The following PALS1 variants were observed in gnomAD, a reference collection of about 807,000 sequenced individuals.
PALS1 encodes the protein protein PALS1.
Under a neutral mutation model 78.9 loss-of-function variants are expected in PALS1, and 31 were observed. The observed-to-expected ratio is 0.39, with a 90% confidence interval of 0.30 to 0.53. The LOEUF (loss-of-function observed/expected upper bound fraction) is 0.53. Ranked by LOEUF, PALS1 falls within the 20% of genes least tolerant of loss-of-function variation. PALS1 has a pLI of 0.67. For missense variants in PALS1, 704 were observed against 826.5 expected (o/e 0.85, Z 1.82); for synonymous variants, 276 against 270.9 (o/e 1.02, Z -0.18).
intron 4 of PALS1, 38 bp from the exon 5 acceptor site, chr14:67,301,351 A>G (rs767576580): frequency 2.7e-6 from 4 of 1,468,400 alleles, no homozygotes; most frequent in South Asian, 2.4e-5. Context: ...GATACTTCCT[A>G]TAATCTAGGA....
In PALS1 at chr14:67,333,872, C is replaced by T. The variant is rs889453685; in HGVS notation, c.*916C>T. ...TTTTTGTATACATGGGAGGATAGCA[C>T]ATTTGACAGTTTTTGCATTTTTATG... On this transcript the variant is annotated 3_prime_UTR_variant, in exon 15 of 15. Transcript: ENST00000261681. 3.3e-5 allele frequency: 5 copies of T among 152,560 alleles called. No individual in the cohort carries two copies. The highest frequency in any genetic ancestry group is 5.9e-5 in the Non-Finnish European group (4 of 68,006). 9.5% of individuals were successfully genotyped at this position (152,560 alleles called of 1,614,324 possible). A position where few individuals can be genotyped will look rare whatever the true frequency, so the allele number is the denominator to read the frequency against.
chr14:67,245,567 T>G (rs183707501), intron 1 of PALS1, among the ~76,000 whole-genome samples: 1 of 152,186 alleles, frequency 6.6e-6, no homozygotes, highest in African/African-American at 2.4e-5. Flanking sequence ...CCCAGGCTGG[T>G]CTCAGAACTC....
In PALS1 at chr14:67,275,419, C is replaced by CG. The variant is rs1567514896; in HGVS notation, c.-153-3598dup. Among the ~76,000 whole-genome samples, 8 of 152,198 alleles carry CG rather than the reference C, an allele frequency of 5.3e-5. No homozygotes were observed. The South Asian group carries it at 1.7e-3, about 32-fold the overall frequency. Reference sequence around the variant, plus strand: ...TTGGTTTTGTTTATATGCTGGATTACGTTTATTGATTTGCGTATGTTGAAC... The same window carrying CG: ...TTGGTTTTGTTTATATGCTGGATTACGGTTTATTGATTTGCGTATGTTGAAC... On this transcript the variant is annotated intron_variant, in intron 2 of 14. Transcript: ENST00000261681.
rs1311188038 is a variant in PALS1, at chr14:67,335,512, A to C, written c.*2556A>C. ...TTTCTCAAATTTTCGTTGTCAGAAC[A>C]AATGGAAGGAGAATATTATTTAGAC... On this transcript the variant is annotated 3_prime_UTR_variant, in exon 15 of 15. Coordinates refer to ENST00000261681, the MANE Select transcript of PALS1 (RefSeq NM_022474.4). 1 of 152,686 alleles carries C rather than the reference A, an allele frequency of 6.5e-6. No homozygotes were observed. Among genetic ancestry groups the C allele is most frequent in the Non-Finnish European group, 1.5e-5 (1 of 68,050 alleles). The allele number at this position is 152,686 out of a possible 1,614,324, so 9.5% of individuals were successfully genotyped here.
chr14:67,304,433 A>G (rs2084972944), intron 8 of PALS1, among the ~76,000 whole-genome samples: 1 of 152,238 alleles, frequency 6.6e-6, no homozygotes, highest in African/African-American at 2.4e-5. Flanking sequence ...CAAAATATGT[A>G]TGTATGATGG....
In PALS1 at chr14:67,333,212, C is replaced by G. The variant is rs1279915256; in HGVS notation, c.*256C>G. On this transcript the variant is annotated 3_prime_UTR_variant, in exon 15 of 15. Transcript: ENST00000261681. ...TTCTAAATGGAAGCTTTCAACAGAG[C>G]ATTCCATTTTGTCCTGTTAAAACCT... The G allele has an allele frequency of 3.0e-6, 1 of 329,532 alleles. No homozygotes were observed. Among genetic ancestry groups the G allele is most frequent in the Non-Finnish European group, 5.6e-6 (1 of 180,122 alleles). 20.4% of individuals were successfully genotyped at this position (329,532 alleles called of 1,614,324 possible).
At chr14:67,289,596 G>A (rs987086385) in intron 3 of PALS1, among the ~76,000 whole-genome samples, 23 of 151,810 alleles carry the variant, frequency 1.5e-4, no homozygotes, top group African/African-American at 5.3e-4. Context: ...GATTTGGGGC[G>A]GGAAAGATAG....
In PALS1 at chr14:67,310,967, G is replaced by A. The variant is rs151236348; in HGVS notation, c.1042-1560G>A. Reference sequence around the variant, plus strand: ...CTTAAAAAGTGCCCCTTTTGGGGTAGACTGGTATTACTTTTATTACATATA... The same window carrying A: ...CTTAAAAAGTGCCCCTTTTGGGGTAAACTGGTATTACTTTTATTACATATA... On this transcript the variant is annotated intron_variant, in intron 8 of 14. Coordinates refer to ENST00000261681, the MANE Select transcript of PALS1 (RefSeq NM_022474.4). Among the ~76,000 whole-genome samples, 98 of 152,282 alleles carry A rather than the reference G, an allele frequency of 6.4e-4. 1 individual carries two copies. The East Asian group carries it at 0.015, about 23-fold the overall frequency.
chr14:67,269,609 C>T (rs2084380640), intron 1 of PALS1, 92 bp from the exon 2 acceptor site: 1 of 152,552 alleles, frequency 6.6e-6, no homozygotes, highest in African/African-American at 2.4e-5. Flanking sequence ...AATTGGTTAT[C>T]ATATTGAATT....
chr14:67,247,779 A>G (rs12323793), intron 1 of PALS1, among the ~76,000 whole-genome samples: 23,396 of 151,924 alleles, frequency 0.15, 3,397 homozygotes, highest in East Asian at 0.42. Flanking sequence ...GGGCTTCACC[A>G]TGTTGCCCAG....
intron 1 of PALS1, among the ~76,000 whole-genome samples, chr14:67,257,262 T>C (rs1481384783): frequency 6.6e-6 from 1 of 152,190 alleles, no homozygotes; most frequent in African/African-American, 2.4e-5. Flanking sequence ...CAATCAGATA[T>C]GCATTTGTCT....
intron 3 of PALS1, among the ~76,000 whole-genome samples, chr14:67,287,703 T>A (rs1012273256): frequency 2.0e-5 from 3 of 152,354 alleles, no homozygotes; most frequent in Admixed American, 6.5e-5. Context: ...CCTAGAAATT[T>A]ATTCTAAGGA....
At chr14:67,264,833 A>G (rs1197371233) in intron 1 of PALS1, among the ~76,000 whole-genome samples, 4 of 152,202 alleles carry the variant, frequency 2.6e-5, no homozygotes, top group Non-Finnish European at 5.9e-5. Flanking sequence ...TTTGCCAGAA[A>G]TGCAAAAGCT....
intron 14 of PALS1, among the ~76,000 whole-genome samples, chr14:67,331,653 A>G (rs1238424075): frequency 1.3e-5 from 2 of 152,188 alleles, no homozygotes; most frequent in African/African-American, 4.8e-5. Context: ...ATGAAGTACT[A>G]AATAAGTGAT....
At chr14:67,303,702 A>AGAGAT in intron 8 of PALS1, 103 bp downstream of exon 8, 7 of 774,864 alleles carry the variant, frequency 9.0e-6, no homozygotes, top group African/African-American at 1.8e-5. Flanking sequence ...GTACTCAAAT[A>AGAGAT]AATTCAATCA....
At chr14:67,315,317 C>T (rs1249414004) in intron 9 of PALS1, among the ~76,000 whole-genome samples, 1 of 133,040 alleles carries the variant, frequency 7.5e-6, no homozygotes, top group South Asian at 2.4e-4. Flanking sequence ...CGCTCTGTCT[C>T]CCAGGCTGGA....
At chr14:67,245,339 C>G (rs2083971447) in intron 1 of PALS1, among the ~76,000 whole-genome samples, 1 of 152,056 alleles carries the variant, frequency 6.6e-6, no homozygotes, top group Admixed American at 6.5e-5. Context: ...TTAGATTTAG[C>G]CATTTTAGTA....
At chr14:67,296,382 C>T (rs941444713) in intron 4 of PALS1, among the ~76,000 whole-genome samples, 6 of 151,774 alleles carry the variant, frequency 4.0e-5, no homozygotes, top group Non-Finnish European at 5.9e-5. Context: ...GGGCAGATCA[C>T]GAGGTCAGGA....
intron 11 of PALS1, among the ~76,000 whole-genome samples, chr14:67,319,334 C>G (rs1333810261): frequency 6.6e-6 from 1 of 152,174 alleles, no homozygotes. Flanking sequence ...GTTCTTACCA[C>G]TTGACAGCTC....
Sources: allele counts gnomAD v4.1 joint callset (sites outside exome capture counted in the v4.1 genomes callset), GRCh38; gene constraint gnomAD v4.1.1; transcripts MANE v1.5; gene names NCBI Gene and HGNC (gene_info 2026-07-23, HGNC 2026-07-21).